The following ANKS1A variants were observed in gnomAD, a reference collection of about 807,000 sequenced individuals.
ANKS1A encodes ankyrin repeat and SAM domain-containing protein 1A.
In ANKS1A, 55 loss-of-function variants were observed where a neutral mutation model predicts 120.3. That is an observed-to-expected ratio of 0.46 (90% CI 0.37 to 0.57). The LOEUF (loss-of-function observed/expected upper bound fraction) is 0.57. Ranked by LOEUF, ANKS1A falls within the 20% of genes least tolerant of loss-of-function variation. ANKS1A has a pLI of 0.00. For missense variants in ANKS1A, 1,123 were observed against 1,480.3 expected (o/e 0.76, Z 3.96); for synonymous variants, 590 against 604.7 (o/e 0.98, Z 0.36).
At chr6:35,020,128 A>C (rs1342870335) in intron 11 of ANKS1A, among the ~76,000 whole-genome samples, 3 of 152,032 alleles carry the variant, frequency 2.0e-5, no homozygotes, top group African/African-American at 7.2e-5. Context: ...AGGTAGTGAG[A>C]GGGCCTCGAG....
intron 10 of ANKS1A, chr6:35,010,016 C>A: frequency 5.0e-6 from 1 of 200,994 alleles, no homozygotes; most frequent in Non-Finnish European, 1.0e-5. Context: ...CTTGTCTCTA[C>A]GAAAATAAAA....
At chr6:34,975,859 C>T (rs1771547593) in intron 3 of ANKS1A, among the ~76,000 whole-genome samples, 1 of 151,894 alleles carries the variant, frequency 6.6e-6, no homozygotes, top group Non-Finnish European at 1.5e-5. Context: ...CTCCTTTGAC[C>T]AGGCATGGTG....
intron 10 of ANKS1A, among the ~76,000 whole-genome samples, chr6:35,017,167 A>C (rs1774063148): frequency 6.6e-6 from 1 of 152,102 alleles, no homozygotes; most frequent in Non-Finnish European, 1.5e-5. Flanking sequence ...TTATATAGCA[A>C]GGTCTGGTCG....
chr6:35,081,439 T>G lies in ANKS1A; in HGVS notation c.2709+281T>G, dbSNP rs545026463. On this transcript the variant is annotated intron_variant, in intron 17 of 23. Coordinates refer to ENST00000360359, the MANE Select transcript of ANKS1A (RefSeq NM_015245.3). ...CCCTCCCTCAGGGGTTCAGATCCCCTGTCCGCTCTTTCTCTGTGGCCTCTT... is the reference window on the plus strand; with the variant it reads ...CCCTCCCTCAGGGGTTCAGATCCCCGGTCCGCTCTTTCTCTGTGGCCTCTT... Among the ~76,000 whole-genome samples the G allele has an allele frequency of 1.4e-3, 211 of 152,256 alleles. 2 individuals carry two copies. Among genetic ancestry groups the G allele is most frequent in the Non-Finnish European group, 2.3e-3 (158 of 68,002 alleles).
At chr6:34,940,701 G>A (rs1211117906) in intron 1 of ANKS1A, among the ~76,000 whole-genome samples, 2 of 151,948 alleles carry the variant, frequency 1.3e-5, no homozygotes, top group Non-Finnish European at 2.9e-5. Flanking sequence ...ACAAGGTCAG[G>A]AGTTCGAGAC....
At chr6:34,970,318 C>G in intron 3 of ANKS1A, 152 bp downstream of exon 3, 1 of 813,722 alleles carries the variant, frequency 1.2e-6, no homozygotes, top group Non-Finnish European at 1.9e-6. Flanking sequence ...GGAACCACCT[C>G]TTCCATACCC....
At chr6:35,061,627 G>A (rs1416567651) in intron 13 of ANKS1A, among the ~76,000 whole-genome samples, 1 of 152,242 alleles carries the variant, frequency 6.6e-6, no homozygotes, top group Non-Finnish European at 1.5e-5. Context: ...ATACTGTGGT[G>A]TGCAACAATG....
At chr6:34,903,573 C>T (rs1767477618) in intron 1 of ANKS1A, among the ~76,000 whole-genome samples, 1 of 151,846 alleles carries the variant, frequency 6.6e-6, no homozygotes, top group Non-Finnish European at 1.5e-5. Context: ...TCTTGGCTCA[C>T]AGGGGCCTCC....
rs1776272556 is a variant in ANKS1A, at chr6:35,057,413, G to C, written c.2078-2734G>C. ...AGCCAGCCATGTTAGGTATTGAGTA[G>C]CTGGTCAAGCAGGATCCTTCTGGGG... is the stretch of plus-strand genomic sequence containing the variant. On this transcript the variant is annotated intron_variant, in intron 12 of 23. Transcript: ENST00000360359. This position sits in a 1 kb window ranked among gnomAD's most constrained non-coding sequence, Gnocchi z 4.1. Among the ~76,000 whole-genome samples the C allele has an allele frequency of 6.6e-6, 1 of 152,170 alleles. No homozygotes were observed. Among genetic ancestry groups the C allele is most frequent in the African/African-American group, 2.4e-5 (1 of 41,456 alleles).
At position 35,066,959 on chromosome 6, in the gene ANKS1A, C is replaced by T. The variant is rs145062081; in HGVS notation, c.2184+6706C>T. ...CTGCCCTCAGGCTGATGCTGGGTAG[C>T]AAACCCTGTGAGGCAGGCGGTTCCA... On this transcript the variant is annotated intron_variant, in intron 13 of 23. Transcript: ENST00000360359. 2.9e-3 allele frequency among the ~76,000 whole-genome samples: 440 copies of T among 152,332 alleles called. 3 individuals carry two copies. The highest frequency in any genetic ancestry group is 9.9e-3 in the African/African-American group (412 of 41,572).
chr6:34,936,275 A>G (rs1291562678), intron 1 of ANKS1A, among the ~76,000 whole-genome samples: 3 of 152,124 alleles, frequency 2.0e-5, no homozygotes, highest in African/African-American at 7.2e-5. Flanking sequence ...AGAAGTAGAA[A>G]GACCTCCACT....
At chr6:34,916,781 C>G (rs1353930226) in intron 1 of ANKS1A, among the ~76,000 whole-genome samples, 18 of 152,038 alleles carry the variant, frequency 1.2e-4, no homozygotes, top group Admixed American at 4.6e-4. Flanking sequence ...AAAATAAAGG[C>G]AAAAAATAAC....
chr6:34,986,976 GGTTACT>G (rs1772244881), intron 8 of ANKS1A, among the ~76,000 whole-genome samples: 1 of 152,232 alleles, frequency 6.6e-6, no homozygotes, highest in Non-Finnish European at 1.5e-5. Flanking sequence ...AGCTGCTCAG[GGTTACT>G]GAAGAAAGCT....
rs796261493 is a variant in ANKS1A at position 34,996,822 on chromosome 6, A to G, written c.1423+2400A>G. On this transcript the variant is annotated intron_variant, in intron 10 of 23. Coordinates refer to ENST00000360359, the MANE Select transcript of ANKS1A (RefSeq NM_015245.3). ...AAAATTTTATATCTTTAGGTCTTACATTTAAATCTATGATCAATTGTGAGT... is the reference window on the plus strand; with the variant it reads ...AAAATTTTATATCTTTAGGTCTTACGTTTAAATCTATGATCAATTGTGAGT... 5.5e-4 allele frequency among the ~76,000 whole-genome samples: 84 copies of G among 152,240 alleles called. 1 individual carries two copies. Among genetic ancestry groups the G allele is most frequent in the African/African-American group, 2.0e-3 (82 of 41,540 alleles).
intron 11 of ANKS1A, among the ~76,000 whole-genome samples, chr6:35,053,836 G>T (rs753168900): frequency 6.6e-6 from 1 of 152,214 alleles, no homozygotes; most frequent in Non-Finnish European, 1.5e-5. Context: ...TGAAAGGGAG[G>T]CTCTTCAGTA....
chr6:34,971,077 G>C (rs1469995920), intron 3 of ANKS1A, among the ~76,000 whole-genome samples: 1 of 152,208 alleles, frequency 6.6e-6, no homozygotes, highest in African/African-American at 2.4e-5. Flanking sequence ...TGTCAGTACT[G>C]TGTAAACCAT....
intron 1 of ANKS1A, among the ~76,000 whole-genome samples, chr6:34,926,717 C>T (rs1178248878): frequency 6.6e-6 from 1 of 152,088 alleles, no homozygotes. Context: ...CTCACTCTTC[C>T]AGGAGGAGAA....
At chr6:35,067,247 C>A (rs899471659) in intron 13 of ANKS1A, among the ~76,000 whole-genome samples, 1 of 152,168 alleles carries the variant, frequency 6.6e-6, no homozygotes, top group African/African-American at 2.4e-5. Flanking sequence ...TTCCTGCCCC[C>A]ACCCCCGGGC....
chr6:34,998,153 GTGCCTGCTAAGGTTA>G (rs1772953381), intron 10 of ANKS1A, among the ~76,000 whole-genome samples: 1 of 152,238 alleles, frequency 6.6e-6, no homozygotes, highest in Admixed American at 6.5e-5. Flanking sequence ...CCTAGAAGGA[GTGCCTGCTAAGGTTA>G]GTATAAGTGA....
Sources: gnomAD v4.1 joint callset for allele counts (sites outside exome capture counted in the v4.1 genomes callset) on GRCh38, gnomAD v4.1.1 for gene constraint, Gnocchi (gnomAD v3.1) non-coding constraint, MANE v1.5 for transcripts, NCBI Gene and HGNC (gene_info 2026-07-23, HGNC 2026-07-21) for gene names.